Variants in SPNS3 observed in about 807,000 individuals in gnomAD.
SPNS3 encodes SPNS lysolipid transporter 3, sphingosine-1-phosphate (putative).
In SPNS3, 51 loss-of-function variants were observed where a neutral mutation model predicts 54.4. That is an observed-to-expected ratio of 0.94 (90% CI 0.75 to 1.18). The LOEUF is 1.18. Among genes scored for constraint, SPNS3 ranks in the 50% most tolerant of loss-of-function variants. The probability of loss-of-function intolerance (pLI) is 0.00; values close to 1 mark genes in which losing one functional copy is unlikely to be tolerated. For missense variants in SPNS3, 669 were observed against 677.4 expected (o/e 0.99, Z 0.14); for synonymous variants, 309 against 294.7 (o/e 1.05, Z -0.50).
intron 7 of SPNS3, among the ~76,000 whole-genome samples, chr17:4,450,563 G>A (rs960939093): frequency 4.6e-5 from 7 of 151,450 alleles, no homozygotes; most frequent in African/African-American, 1.2e-4. Context: ...ACAGGCACAC[G>A]CCACCATGCC....
chr17:4,446,285 G>C, intron 4 of SPNS3, 86 bp downstream of exon 4: 1 of 1,436,832 alleles, frequency 7.0e-7, no homozygotes, highest in South Asian at 1.4e-5. Context: ...GGGTAGGAGA[G>C]GTCAAACCAG....
chr17:4,453,540 C>T lies in SPNS3; in HGVS notation c.1113+335C>T, dbSNP rs1017143542. Among the ~76,000 whole-genome samples the T allele has an allele frequency of 2.6e-5, 4 of 152,090 alleles. No homozygotes were observed. The South Asian group carries it at 6.2e-4, about 24-fold the overall frequency. On this transcript the variant is annotated intron_variant, in intron 8 of 11. Transcript: ENST00000355530. ...GGCTGAGGCAGGAGAATCGCTTGAA[C>T]GCGGGAGGTGGAGGTTGCAGTGAGC...
In SPNS3 at chr17:4,477,649, G is replaced by A. The variant is rs1193547485; in HGVS notation, c.1114-923G>A. Among the ~76,000 whole-genome samples, 4 of 152,304 alleles carry A rather than the reference G, an allele frequency of 2.6e-5. No individual in the cohort carries two copies. The East Asian group carries it at 7.7e-4, about 29-fold the overall frequency. On this transcript the variant is annotated intron_variant, in intron 8 of 11. Transcript: ENST00000355530. ...GGGCTGGGGGTGGGCACTGGGCAGG[G>A]GCCGGAAGCCTCACATTCCAAGCAG...
intron 1 of SPNS3, among the ~76,000 whole-genome samples, chr17:4,438,817 G>A (rs980329901): frequency 2.0e-5 from 3 of 152,254 alleles, no homozygotes; most frequent in African/African-American, 7.2e-5. Flanking sequence ...ACTGCAGTGT[G>A]GATGGCAGCC....
intron 8 of SPNS3, among the ~76,000 whole-genome samples, chr17:4,472,774 CTTTTTTTTTTTTTTTTTTTTTT>C (rs375118697): frequency 2.2e-4 from 11 of 50,974 alleles, no homozygotes; most frequent in African/African-American, 8.9e-4. Flanking sequence ...GCTTGGCAGC[CTTTTTTTTTTTTTTTTTTTTTT>C]TTTTTTTTTT....
At chr17:4,453,598 A>G (rs1314300099) in intron 8 of SPNS3, among the ~76,000 whole-genome samples, 1 of 147,212 alleles carries the variant, frequency 6.8e-6, no homozygotes, top group African/African-American at 2.6e-5. Flanking sequence ...AGCCTGGGCA[A>G]TGGAGCAAGA....
At chr17:4,461,623 G>C (rs182124301) in intron 8 of SPNS3, among the ~76,000 whole-genome samples, 2 of 152,222 alleles carry the variant, frequency 1.3e-5, no homozygotes, top group East Asian at 3.9e-4. Context: ...GTTTGAACCA[G>C]AGTGGCAACA....
chr17:4,454,610 CTTTTTTT>C (rs55918406), intron 8 of SPNS3, among the ~76,000 whole-genome samples: 3 of 76,388 alleles, frequency 3.9e-5, no homozygotes, highest in African/African-American at 5.4e-5. Flanking sequence ...CCAAATAAAG[CTTTTTTT>C]TTTTTTTTTT....
chr17:4,447,355 G>C (rs1971026474), intron 5 of SPNS3, among the ~76,000 whole-genome samples: 1 of 152,330 alleles, frequency 6.6e-6, no homozygotes, highest in East Asian at 1.9e-4. Context: ...TGGCAGCTAG[G>C]CTTGCTCAGC....
chr17:4,471,592 A>T (rs1282688682), intron 8 of SPNS3, among the ~76,000 whole-genome samples: 1 of 151,934 alleles, frequency 6.6e-6, no homozygotes, highest in Non-Finnish European at 1.5e-5. Flanking sequence ...CAGCCTCCCA[A>T]GTAGCTGAGA....
intron 5 of SPNS3, 133 bp downstream of exon 5, chr17:4,447,095 G>A (rs1451632107): frequency 1.9e-5 from 17 of 911,438 alleles, no homozygotes; most frequent in Middle Eastern, 2.1e-4. Context: ...GTCAGGCATC[G>A]GCAGCTTTGG....
In SPNS3 at chr17:4,446,980, T is replaced by G; in HGVS notation, c.621+18T>G. On this transcript the variant is annotated intron_variant, in intron 5 of 11. Transcript: ENST00000355530. ...CCCTCCGAGTGAGTCCAGCTTCCTT[T>G]TCTTCCCTCTGCTTTCCCTCTGGAC... The G allele has an allele frequency of 6.2e-7, 1 of 1,613,938 alleles. No homozygotes were observed. The highest frequency in any genetic ancestry group is 8.5e-7 in the Non-Finnish European group (1 of 1,179,828).
intron 1 of SPNS3, among the ~76,000 whole-genome samples, chr17:4,435,315 G>A (rs894034721): frequency 2.0e-5 from 3 of 151,280 alleles, no homozygotes; most frequent in African/African-American, 7.3e-5. Context: ...CTCAGCTACT[G>A]GGGAGGCTGA....
At chr17:4,462,823 AT>A (rs1971569289) in intron 8 of SPNS3, among the ~76,000 whole-genome samples, 1 of 145,798 alleles carries the variant, frequency 6.9e-6, no homozygotes, top group African/African-American at 2.6e-5. Context: ...CCATCCATCC[AT>A]CCATCCATCC....
intron 2 of SPNS3, 116 bp downstream of exon 2, chr17:4,439,839 G>A: frequency 2.2e-6 from 2 of 925,572 alleles, no homozygotes; most frequent in South Asian, 3.0e-5. Flanking sequence ...TGGCACAGAG[G>A]GTGGGTGGGG....
intron 4 of SPNS3, 61 bp from the exon 5 acceptor site, chr17:4,446,835 G>T: frequency 1.3e-6 from 2 of 1,524,596 alleles, no homozygotes; most frequent in Non-Finnish European, 1.8e-6. Context: ...CAGGCTGGTG[G>T]TGGGGTCTGC....
At chr17:4,435,637 T>C (rs1171826761) in intron 1 of SPNS3, among the ~76,000 whole-genome samples, 1 of 152,078 alleles carries the variant, frequency 6.6e-6, no homozygotes, top group Non-Finnish European at 1.5e-5. Flanking sequence ...GAATAGCTCC[T>C]GCTGGCTGTG....
intron 8 of SPNS3, among the ~76,000 whole-genome samples, chr17:4,475,276 ACT>A (rs1971960041): frequency 6.6e-6 from 1 of 151,422 alleles, no homozygotes; most frequent in Admixed American, 6.6e-5. Flanking sequence ...GGCCACACAG[ACT>A]CTGAGGAGAC....
At chr17:4,439,582 C>A in intron 1 of SPNS3, 76 bp from the exon 2 acceptor site, 1 of 1,444,324 alleles carries the variant, frequency 6.9e-7, no homozygotes, top group South Asian at 1.2e-5. Context: ...TGGCCCTGTG[C>A]CAAACCTGGA....
Sources: allele counts gnomAD v4.1 joint callset (sites outside exome capture counted in the v4.1 genomes callset), GRCh38; gene constraint gnomAD v4.1.1; transcripts MANE v1.5; gene names NCBI Gene and HGNC (gene_info 2026-07-23, HGNC 2026-07-21).